Variants in GPRC5A observed in about 807,000 individuals in gnomAD.
GPRC5A encodes retinoic acid-induced protein 3.
Under a neutral mutation model 22.5 loss-of-function variants are expected in GPRC5A, and 19 were observed. The ratio of observed to expected loss-of-function variants is 0.85; its 90% CI spans 0.59 to 1.24. The LOEUF is 1.24. Ranked by LOEUF, GPRC5A falls within the 50% of genes most tolerant of loss-of-function variation. The pLI is 0.00. For synonymous variants in GPRC5A, 192 were observed against 184.5 expected (o/e 1.04, Z -0.33); for missense variants, 471 against 451.1 (o/e 1.04, Z -0.40).
At position 12,908,388 on chromosome 12, in the gene GPRC5A, C is replaced by G; in HGVS notation, c.139C>G (p.Leu47Val). 6.2e-7 allele frequency: 1 copy of G among 1,614,148 alleles called. No individual in the cohort carries two copies. The highest frequency in any genetic ancestry group is 8.5e-7 in the Non-Finnish European group (1 of 1,180,018). The change falls in exon 2 of 4, where the codon CTC becomes GTC. Residue 47 changes from leucine to valine, a missense_variant. Leu to Val is a conservative substitution (Grantham distance 32). Transcript: ENST00000014914. ...GGTTGTGACCTCGGTGGCCTTCATG[C>G]TCACTCTCCCGATCCTCGTCTGCAA... The part of the protein sequence containing the change: ...AGVVTSVAFM[L>V]TLPILVCKVQ...
At chr12:12,907,930 T>A (rs1221517353) in intron 1 of GPRC5A, among the ~76,000 whole-genome samples, 1 of 152,220 alleles carries the variant, frequency 6.6e-6, no homozygotes, top group African/African-American at 2.4e-5. Flanking sequence ...TCCAGCCCTG[T>A]GAAGTTTTTT....
rs371431599 is a variant in GPRC5A, at chr12:12,894,443, C to T, written c.-8+2779C>T. Among the ~76,000 whole-genome samples the T allele has an allele frequency of 1.0e-3, 156 of 152,256 alleles. 1 individual carries two copies. Among genetic ancestry groups the T allele is most frequent in the African/African-American group, 3.7e-3 (153 of 41,550 alleles). On this transcript the variant is annotated intron_variant, in intron 1 of 3. Coordinates refer to ENST00000014914, the MANE Select transcript of GPRC5A (RefSeq NM_003979.4). ...ATTTATTTTGAGACAGGGTCTTGCT[C>T]TGTTGCCCTGGCTGGAGTGCAGTGG... is the stretch of plus-strand genomic sequence containing the variant.
In GPRC5A at chr12:12,911,131, A is replaced by G. The variant is rs1863999810; in HGVS notation, c.923-953A>G. ...CATGATCCGCCCGCCTAGGCCTTCC[A>G]AAGTGCTGGGATTACAGGCATGAGC... On this transcript the variant is annotated intron_variant, in intron 2 of 3. Transcript: ENST00000014914. 2.0e-5 allele frequency among the ~76,000 whole-genome samples: 3 copies of G among 152,246 alleles called. 1 individual carries two copies. The South Asian group carries it at 6.2e-4, about 32-fold the overall frequency.
intron 2 of GPRC5A, chr12:12,909,384 C>G: frequency 1.9e-6 from 1 of 520,580 alleles, no homozygotes; most frequent in Non-Finnish European, 3.4e-6. Flanking sequence ...TTATTGAGTA[C>G]TTTGTACAAT....
At chr12:12,896,176 T>A (rs1017874822) in intron 1 of GPRC5A, among the ~76,000 whole-genome samples, 1 of 152,108 alleles carries the variant, frequency 6.6e-6, no homozygotes, top group African/African-American at 2.4e-5. Flanking sequence ...ATTAATCAAG[T>A]CTACATGTTT....
At chr12:12,894,108 C>A (rs899621969) in intron 1 of GPRC5A, among the ~76,000 whole-genome samples, 1 of 152,176 alleles carries the variant, frequency 6.6e-6, no homozygotes, top group African/African-American at 2.4e-5. Context: ...TATGTATCAT[C>A]TATGCTGCTT....
chr12:12,905,397 C>T (rs371876018), intron 1 of GPRC5A, among the ~76,000 whole-genome samples: 9 of 152,246 alleles, frequency 5.9e-5, no homozygotes, highest in East Asian at 5.8e-4. Context: ...ACATAGTTCT[C>T]TTCTAGTCCG....
rs1420589474 is a variant in GPRC5A, at chr12:12,916,567, T to G, written c.*4028T>G. 2.6e-5 allele frequency: 4 copies of G among 152,246 alleles called. No homozygotes were observed. 9.4% of individuals were successfully genotyped at this position (152,246 alleles called of 1,614,324 possible). On this transcript the variant is annotated 3_prime_UTR_variant, in exon 4 of 4. Coordinates refer to ENST00000014914, the MANE Select transcript of GPRC5A (RefSeq NM_003979.4). Reference sequence around the variant, plus strand: ...TTTTAAGAGGCTTGTATTTATGAGCTCTTTGCTTCCTCCCTCCCACTAACT... The same window carrying G: ...TTTTAAGAGGCTTGTATTTATGAGCGCTTTGCTTCCTCCCTCCCACTAACT...
chr12:12,891,856 TCC>T (rs567173611), intron 1 of GPRC5A, 192 bp downstream of exon 1: 1 of 134,054 alleles, frequency 7.5e-6, no homozygotes. Flanking sequence ...TTTTTTTTTT[TCC>T]CCTTTGCGGG....
At chr12:12,893,657 T>C (rs1863788518) in intron 1 of GPRC5A, among the ~76,000 whole-genome samples, 1 of 152,238 alleles carries the variant, frequency 6.6e-6, no homozygotes, top group Non-Finnish European at 1.5e-5. Context: ...TATTAAGCAA[T>C]CATAATAGAG....
At position 12,904,884 on chromosome 12, in the gene GPRC5A, G is replaced by GGTTTTTT. The variant is rs1565464314; in HGVS notation, c.-7-3359_-7-3358insGTTTTTT. Among the ~76,000 whole-genome samples, 2 of 127,282 alleles carry GGTTTTTT rather than the reference G, an allele frequency of 1.6e-5. 1 individual carries two copies. The allele number at this position is 127,282 out of a possible 152,430, so 83.5% of individuals were successfully genotyped here. A position where few individuals can be genotyped will look rare whatever the true frequency, so the allele number is the denominator to read the frequency against. Reference sequence around the variant, plus strand: ...TTCTAGTGGAAAAGAAAATTTTGTGGTTTTTTTTTTTTTTTTTTTGAGATG... The same window carrying GGTTTTTT: ...TTCTAGTGGAAAAGAAAATTTTGTGGGTTTTTTTTTTTTTTTTTTTTTTTTTGAGATG... On this transcript the variant is annotated intron_variant, in intron 1 of 3. Transcript: ENST00000014914.
At chr12:12,897,599 G>A (rs1213428571) in intron 1 of GPRC5A, among the ~76,000 whole-genome samples, 3 of 150,688 alleles carry the variant, frequency 2.0e-5, no homozygotes, top group African/African-American at 4.9e-5. Flanking sequence ...AAAAAGGAGC[G>A]AATACGCTTC....
At chr12:12,902,936 G>C (rs757632152) in intron 1 of GPRC5A, among the ~76,000 whole-genome samples, 2 of 152,042 alleles carry the variant, frequency 1.3e-5, no homozygotes, top group Non-Finnish European at 2.9e-5. Flanking sequence ...GCATGGTGGC[G>C]CATGCCTGTA....
rs1864054666 is a variant in GPRC5A, at chr12:12,915,502, C to G, written c.*2963C>G. The G allele has an allele frequency of 6.5e-6, 1 of 154,402 alleles. No individual in the cohort carries two copies. The highest frequency in any genetic ancestry group is 1.4e-5 in the Non-Finnish European group (1 of 69,528). 9.6% of individuals were successfully genotyped at this position (154,402 alleles called of 1,614,324 possible). ...TGAGCTACTGCACCCGGCCTGCTTT[C>G]TTTTTAGTGAAAAGGATCTGTGGGA... On this transcript the variant is annotated 3_prime_UTR_variant, in exon 4 of 4. Transcript: ENST00000014914.
At position 12,908,781 on chromosome 12, in the gene GPRC5A, G is replaced by T. The variant is rs1421932370; in HGVS notation, c.532G>T (p.Val178Phe). The change falls in exon 2 of 4, where the codon GTC (valine) becomes TTC (phenylalanine). Residue 178 changes from valine (V) to phenylalanine (F), a missense_variant. Physicochemically the swap from Val to Phe is conservative, Grantham distance 50. Coordinates refer to ENST00000014914, the MANE Select transcript of GPRC5A (RefSeq NM_003979.4). Reference protein sequence around the residue: ...LSAPRRNEDFVLLLTYVLFLM... With the variant: ...LSAPRRNEDFFLLLTYVLFLM... ...CGCTCCTCGTCGCAATGAAGACTTT[G>T]TCCTCCTGCTCACCTACGTCCTCTT... is the stretch of plus-strand genomic sequence containing the variant. 6.2e-7 allele frequency: 1 copy of T among 1,614,078 alleles called. No individual in the cohort carries two copies. The highest frequency in any genetic ancestry group is 8.5e-7 in the Non-Finnish European group (1 of 1,180,036).
chr12:12,906,032 G>C lies in GPRC5A; in HGVS notation c.-7-2211G>C, dbSNP rs116699798. ...ACGTAGAGAGGAGGAGAGAGAGAAG[G>C]ATATCTCAGATCTCATTTTAAGGCT... On this transcript the variant is annotated intron_variant, in intron 1 of 3. Coordinates refer to ENST00000014914, the MANE Select transcript of GPRC5A (RefSeq NM_003979.4). Among the ~76,000 whole-genome samples the C allele has an allele frequency of 2.7e-3, 416 of 152,102 alleles. 1 individual carries two copies. The highest frequency in any genetic ancestry group is 9.7e-3 in the African/African-American group (401 of 41,460).
At position 12,915,017 on chromosome 12, in the gene GPRC5A, A is replaced by AATTT. The variant is rs377302581; in HGVS notation, c.*2478_*2479insATTT. On this transcript the variant is annotated 3_prime_UTR_variant, in exon 4 of 4. Transcript: ENST00000014914. ...AAATCACAAAATACTCTGGATCGGC[A>AATTT]TTTTTTTTTTTTTTTTTTTTTGAGA... The AATTT allele has an allele frequency of 9.2e-6, 1 of 108,670 alleles. No individual in the cohort carries two copies. The highest frequency in any genetic ancestry group is 1.8e-5 in the Non-Finnish European group (1 of 55,924). The allele number at this position is 108,670 out of a possible 1,614,324, so 6.7% of individuals were successfully genotyped here.
intron 3 of GPRC5A, 104 bp from the exon 4 acceptor site, chr12:12,912,343 G>A: frequency 1.1e-6 from 1 of 888,934 alleles, no homozygotes; most frequent in Non-Finnish European, 1.9e-6. Context: ...GGGGGTGGGA[G>A]GCCTGGGAGA....
rs750055547 is a variant in GPRC5A at position 12,915,838 on chromosome 12, C to T, written c.*3299C>T. On this transcript the variant is annotated 3_prime_UTR_variant, in exon 4 of 4. Coordinates refer to ENST00000014914, the MANE Select transcript of GPRC5A (RefSeq NM_003979.4). ...GCCCCGTTGTTTCCCTTCTAAGAAA[C>T]GCAGTGGTCTCTGAAGCCTGCAGGG... The T allele has an allele frequency of 9.6e-6, 5 of 522,522 alleles. No homozygotes were observed. The highest frequency in any genetic ancestry group is 5.7e-5 in the South Asian group (4 of 70,462). The allele number at this position is 522,522 out of a possible 1,614,324, so 32.4% of individuals were successfully genotyped here. A position where few individuals can be genotyped will look rare whatever the true frequency, so the allele number is the denominator to read the frequency against.
Sources: allele counts gnomAD v4.1 joint callset (sites outside exome capture counted in the v4.1 genomes callset), GRCh38; gene constraint gnomAD v4.1.1; transcripts MANE v1.5; gene names NCBI Gene and HGNC (gene_info 2026-07-23, HGNC 2026-07-21).